PACSIN2: variants seen among roughly 807,000 people sequenced by gnomAD.
PACSIN2 encodes protein kinase C and casein kinase substrate in neurons 2.
A neutral mutation model predicts 63.8 loss-of-function variants in PACSIN2; 25 were observed. That is an observed-to-expected ratio of 0.39 (90% CI 0.29 to 0.55). The LOEUF (loss-of-function observed/expected upper bound fraction) is 0.55, where lower values mean the gene tolerates loss of function less well. Among genes scored for constraint, PACSIN2 ranks in the 20% least tolerant of loss-of-function variants. PACSIN2 has a pLI of 0.62. For synonymous variants in PACSIN2, 255 were observed against 256.2 expected (o/e 1.00, Z 0.05); for missense variants, 518 against 646.9 (o/e 0.80, Z 2.16).
intron 1 of PACSIN2, among the ~76,000 whole-genome samples, chr22:42,934,432 CA>C (rs1293114874): frequency 6.6e-6 from 1 of 152,250 alleles, no homozygotes; most frequent in Non-Finnish European, 1.5e-5. Context: ...CTCAGCTGCA[CA>C]TCCTCCAACT....
chr22:42,930,338 G>A (rs1169562489), intron 1 of PACSIN2, among the ~76,000 whole-genome samples: 1 of 152,130 alleles, frequency 6.6e-6, no homozygotes, highest in Non-Finnish European at 1.5e-5. Flanking sequence ...ACAACATGCA[G>A]CAGCACCAGG....
In PACSIN2 at chr22:42,884,542, T is replaced by C; in HGVS notation, c.629A>G (p.Lys210Arg). 1 of 1,613,734 alleles carries C rather than the reference T, an allele frequency of 6.2e-7. No individual in the cohort carries two copies. The highest frequency in any genetic ancestry group is 8.5e-7 in the Non-Finnish European group (1 of 1,179,848). Residue 210 changes from lysine to arginine, a missense_variant, in exon 6 of 11, where the codon AAG (lysine) becomes AGG (arginine). Physicochemically the swap from Lys to Arg is conservative, Grantham distance 26. Coordinates refer to ENST00000263246, the MANE Select transcript of PACSIN2 (RefSeq NM_001184970.3). The stretch of plus-strand genomic sequence containing the variant: ...GCCCTGGTCGAGTTCCTTCAGGGAC[T>C]TCTCATACTTCTCTTTGGTCTAAAG... ...DVLKTKEKYE[K>R]SLKELDQGTP...
At chr22:42,936,772 G>A (rs747919255) in intron 1 of PACSIN2, among the ~76,000 whole-genome samples, 2 of 151,936 alleles carry the variant, frequency 1.3e-5, no homozygotes, top group Non-Finnish European at 2.9e-5. Context: ...TTAGCCAGGT[G>A]TGGCAGCACA....
chr22:42,956,452 A>G (rs1405766034), intron 1 of PACSIN2, among the ~76,000 whole-genome samples: 1 of 152,248 alleles, frequency 6.6e-6, no homozygotes, highest in Non-Finnish European at 1.5e-5. Context: ...AAATGTGACT[A>G]TAGTGCCTTC....
intron 1 of PACSIN2, among the ~76,000 whole-genome samples, chr22:42,974,145 G>A (rs1333858750): frequency 6.6e-6 from 1 of 152,184 alleles, no homozygotes; most frequent in South Asian, 2.1e-4. Context: ...TGAAATCTAT[G>A]TAAGTCTCCT....
chr22:42,991,003 G>A (rs759221116), intron 1 of PACSIN2, among the ~76,000 whole-genome samples: 4 of 152,088 alleles, frequency 2.6e-5, no homozygotes, highest in African/African-American at 9.7e-5. Context: ...AGGACTCAAC[G>A]GGTTCTATAC....
intron 1 of PACSIN2, among the ~76,000 whole-genome samples, chr22:42,951,069 G>A (rs899355314): frequency 5.9e-5 from 9 of 152,116 alleles, no homozygotes; most frequent in Non-Finnish European, 1.3e-4. Context: ...GAAAGTCTGG[G>A]CTTTTGCATA....
At chr22:42,914,038 G>T (rs1053833160) in intron 1 of PACSIN2, among the ~76,000 whole-genome samples, 27 of 152,220 alleles carry the variant, frequency 1.8e-4, no homozygotes, top group African/African-American at 5.5e-4. Context: ...AGACATTGCC[G>T]CTGTGAGGAG....
intron 10 of PACSIN2, among the ~76,000 whole-genome samples, chr22:42,872,003 T>C (rs13433641): frequency 0.39 from 59,457 of 152,180 alleles, 12,251 homozygotes; most frequent in Non-Finnish European, 0.46. Context: ...TGATGACTTG[T>C]GCACGGTGCC....
chr22:42,979,369 C>G (rs1921915476), intron 1 of PACSIN2, among the ~76,000 whole-genome samples: 1 of 151,534 alleles, frequency 6.6e-6, no homozygotes, highest in Non-Finnish European at 1.5e-5. Context: ...ACTAAAAATA[C>G]AAAAATTAGC....
chr22:42,995,867 C>A (rs968017311), intron 1 of PACSIN2, among the ~76,000 whole-genome samples: 6 of 152,110 alleles, frequency 3.9e-5, no homozygotes, highest in African/African-American at 1.2e-4. Flanking sequence ...AGTTCAAGAC[C>A]AGCCTGGGCA....
chr22:42,919,040 T>C (rs1931992211), intron 1 of PACSIN2, among the ~76,000 whole-genome samples: 1 of 152,172 alleles, frequency 6.6e-6, no homozygotes, highest in Non-Finnish European at 1.5e-5. Context: ...TTACCATACC[T>C]GTGCACACGT....
At position 42,972,390 on chromosome 22, in the gene PACSIN2, C is replaced by T. The variant is rs181021102; in HGVS notation, c.-78+42631G>A. Among the ~76,000 whole-genome samples, 469 of 152,260 alleles carry T rather than the reference C, an allele frequency of 3.1e-3. 3 individuals are homozygous for T. Among genetic ancestry groups the T allele is most frequent in the African/African-American group, 0.011 (462 of 41,534 alleles). ...TTGCGGAAGGCCGCAGGGTCCTCTG[C>T]CTAGGAAAACCAGAGACCCTTGTTC... On this transcript the variant is annotated intron_variant, in intron 1 of 10. Transcript: ENST00000263246.
At chr22:42,929,004 C>G (rs1246397497) in intron 1 of PACSIN2, among the ~76,000 whole-genome samples, 1 of 152,184 alleles carries the variant, frequency 6.6e-6, no homozygotes, top group East Asian at 1.9e-4. Context: ...TTTAAGACAG[C>G]CTCCTATAAG....
chr22:42,940,228 T>C (rs930477535), intron 1 of PACSIN2, among the ~76,000 whole-genome samples: 2 of 152,216 alleles, frequency 1.3e-5, no homozygotes, highest in African/African-American at 2.4e-5. Context: ...ACTCCTTAAC[T>C]ACTCAGTAAT....
intron 1 of PACSIN2, among the ~76,000 whole-genome samples, chr22:42,967,700 A>G (rs1215877579): frequency 1.6e-4 from 25 of 152,106 alleles, no homozygotes; most frequent in Admixed American, 1.6e-3. Flanking sequence ...CATCCTGGCT[A>G]ACATGGTGAA....
chr22:42,964,321 G>C (rs1920935571), intron 1 of PACSIN2, among the ~76,000 whole-genome samples: 1 of 152,066 alleles, frequency 6.6e-6, no homozygotes, highest in South Asian at 2.1e-4. Context: ...GAGAGGCTGA[G>C]GCAGGAGAAT....
intron 1 of PACSIN2, among the ~76,000 whole-genome samples, chr22:43,004,468 C>T (rs771365260): frequency 3.9e-5 from 6 of 152,134 alleles, no homozygotes; most frequent in Non-Finnish European, 7.4e-5. Context: ...TCACCACGTG[C>T]GAGCTAAGTG....
At chr22:42,987,497 T>A (rs4822243) in intron 1 of PACSIN2, among the ~76,000 whole-genome samples, 1 of 84,408 alleles carries the variant, frequency 1.2e-5, no homozygotes, top group African/African-American at 4.8e-5. Flanking sequence ...CACACACCCA[T>A]GGCACCATGT....
Sources: allele counts gnomAD v4.1 joint callset (sites outside exome capture counted in the v4.1 genomes callset), GRCh38; gene constraint gnomAD v4.1.1; transcripts MANE v1.5; gene names NCBI Gene and HGNC (gene_info 2026-07-23, HGNC 2026-07-21).